PRELID2: variants seen among roughly 807,000 people sequenced by gnomAD.
PRELID2 encodes PRELI domain-containing protein 2.
In PRELID2, 25 loss-of-function variants were observed where a neutral mutation model predicts 28.4. The observed-to-expected ratio is 0.88, with a 90% confidence interval of 0.64 to 1.23. The LOEUF is 1.23. Among genes scored for constraint, PRELID2 ranks in the 50% most tolerant of loss-of-function variants. The pLI is 0.00. For missense variants in PRELID2, 201 were observed against 214.4 expected (o/e 0.94, Z 0.39); for synonymous variants, 76 against 71.6 (o/e 1.06, Z -0.31).
chr5:145,329,151 C>G, the PRELID2 span, among the ~76,000 whole-genome samples: 1 of 152,224 alleles, frequency 6.6e-6, no homozygotes, highest in South Asian at 2.1e-4. Flanking sequence ...GTTTTGTTAC[C>G]AATACCATGG....
chr5:145,731,288 G>A (rs914628756), intron 1 of PRELID2, among the ~76,000 whole-genome samples: 1 of 152,182 alleles, frequency 6.6e-6, no homozygotes, highest in African/African-American at 2.4e-5. Context: ...TATGGACCAA[G>A]GCAAATGTTA....
the PRELID2 span, among the ~76,000 whole-genome samples, chr5:145,248,283 G>A: frequency 2.6e-5 from 4 of 151,850 alleles, no homozygotes; most frequent in Non-Finnish European, 4.4e-5. Flanking sequence ...ATACAAACAT[G>A]CTTATGTTGT....
the PRELID2 span, among the ~76,000 whole-genome samples, chr5:145,456,166 C>T: frequency 3.5e-4 from 54 of 152,204 alleles, no homozygotes; most frequent in African/African-American, 1.3e-3. Flanking sequence ...TCAGACTTTA[C>T]ACCAACTATG....
chr5:145,380,534 T>A, the PRELID2 span, among the ~76,000 whole-genome samples: 6 of 152,244 alleles, frequency 3.9e-5, no homozygotes, highest in Non-Finnish European at 8.8e-5. Flanking sequence ...CAAAGTCTTC[T>A]GTAGTTTCCA....
intron 1 of PRELID2, among the ~76,000 whole-genome samples, chr5:145,717,378 A>T (rs1371897753): frequency 2.0e-5 from 3 of 152,006 alleles, no homozygotes; most frequent in Non-Finnish European, 4.4e-5. Flanking sequence ...ATATACTAAA[A>T]CCCACTCAGC....
chr5:145,265,958 G>A, the PRELID2 span, among the ~76,000 whole-genome samples: 1 of 152,016 alleles, frequency 6.6e-6, no homozygotes, highest in Admixed American at 6.6e-5. Context: ...AAGATAAATA[G>A]ACAATAGACG....
chr5:145,371,658 A>G, the PRELID2 span, among the ~76,000 whole-genome samples: 3 of 151,596 alleles, frequency 2.0e-5, no homozygotes, highest in Non-Finnish European at 4.4e-5. Context: ...CTTCTTTTCA[A>G]TTCTTTGGAA....
intron 1 of PRELID2, among the ~76,000 whole-genome samples, chr5:145,743,535 G>T (rs112952190): frequency 0.024 from 3,624 of 152,156 alleles, 136 homozygotes; most frequent in African/African-American, 0.082. Flanking sequence ...AGGCTGGCAG[G>T]ATCCATGGAG....
chr5:145,796,199 G>C, intron 5 of PRELID2: 1 of 321,822 alleles, frequency 3.1e-6, no homozygotes, highest in South Asian at 5.7e-5. Flanking sequence ...TTATAAGTAT[G>C]CTCCAAATTT....
At chr5:145,679,972 T>G (rs1232804712) in intron 1 of PRELID2, among the ~76,000 whole-genome samples, 2 of 151,836 alleles carry the variant, frequency 1.3e-5, no homozygotes, top group Non-Finnish European at 2.9e-5. Flanking sequence ...GAAAAAGTTC[T>G]TAAAGTTCCA....
chr5:145,459,694 A>G, the PRELID2 span, among the ~76,000 whole-genome samples: 1 of 152,170 alleles, frequency 6.6e-6, no homozygotes. Flanking sequence ...TTGAAACAAA[A>G]AGAAAAGGCA....
intron 1 of PRELID2, among the ~76,000 whole-genome samples, chr5:145,737,401 C>T (rs1756525823): frequency 6.8e-6 from 1 of 147,096 alleles, no homozygotes; most frequent in Non-Finnish European, 1.5e-5. Flanking sequence ...GGTGGTACAA[C>T]TAAAATCCCT....
At chr5:145,643,479 C>G (rs569779438) in intron 1 of PRELID2, among the ~76,000 whole-genome samples, 4 of 152,302 alleles carry the variant, frequency 2.6e-5, no homozygotes, top group African/African-American at 9.6e-5. Context: ...TTGACTTCCT[C>G]TTTTCCTATT....
the PRELID2 span, among the ~76,000 whole-genome samples, chr5:145,396,929 A>G: frequency 6.6e-6 from 1 of 152,022 alleles, no homozygotes; most frequent in Admixed American, 6.6e-5. Context: ...GTGCAAAGTG[A>G]GTAATAAGAA....
the PRELID2 span, among the ~76,000 whole-genome samples, chr5:145,411,119 G>T: frequency 1.3e-5 from 2 of 152,166 alleles, no homozygotes; most frequent in Non-Finnish European, 2.9e-5. Flanking sequence ...ACCCGAGATT[G>T]GGTAATTTAT....
At chr5:145,644,249 A>G (rs1031032241) in intron 1 of PRELID2, among the ~76,000 whole-genome samples, 1 of 152,124 alleles carries the variant, frequency 6.6e-6, no homozygotes, top group Non-Finnish European at 1.5e-5. Context: ...GGGAGGGTGT[A>G]TGTGTCCAGG....
chr5:145,612,298 T>A (rs1198931016), intron 1 of PRELID2, among the ~76,000 whole-genome samples: 1 of 152,096 alleles, frequency 6.6e-6, no homozygotes, highest in Non-Finnish European at 1.5e-5. Context: ...ATTGGCAAAT[T>A]TGAAATCATT....
chr5:145,676,352 A>T (rs2149686194), intron 1 of PRELID2, among the ~76,000 whole-genome samples: 1 of 152,296 alleles, frequency 6.6e-6, no homozygotes, highest in East Asian at 1.9e-4. Context: ...AGCCTGGCCA[A>T]CATGGTGAAA....
chr5:145,473,464 C>T (rs771925597), intron 1 of PRELID2: 6 of 152,042 alleles, frequency 3.9e-5, no homozygotes, highest in Admixed American at 6.6e-5. Context: ...TGTCATTAAT[C>T]CTCACAATAT....
Sources: gnomAD v4.1 joint callset for allele counts (sites outside exome capture counted in the v4.1 genomes callset) on GRCh38, gnomAD v4.1.1 for gene constraint, MANE v1.5 for transcripts, NCBI Gene and HGNC (gene_info 2026-07-23, HGNC 2026-07-21) for gene names.